The following PPP1R9A variants were observed in gnomAD, a reference collection of about 807,000 sequenced individuals.
The protein encoded by PPP1R9A is protein phosphatase 1 regulatory subunit 9A.
Under a neutral mutation model 141.9 loss-of-function variants are expected in PPP1R9A, and 59 were observed. That is an observed-to-expected ratio of 0.42 (90% CI 0.34 to 0.52). The LOEUF is 0.52. Ranked by LOEUF, PPP1R9A falls within the 20% of genes least tolerant of loss-of-function variation. The probability of loss-of-function intolerance (pLI) is 0.10; values close to 1 mark genes in which losing one functional copy is unlikely to be tolerated. For missense variants in PPP1R9A, 1,444 were observed against 1,611.9 expected (o/e 0.90, Z 1.78); for synonymous variants, 500 against 569.7 (o/e 0.88, Z 1.74).
intron 2 of PPP1R9A, among the ~76,000 whole-genome samples, chr7:95,106,470 T>C (rs6465455): frequency 0.48 from 72,966 of 151,924 alleles, 18,256 homozygotes; most frequent in African/African-American, 0.57. Flanking sequence ...GTATGTATCT[T>C]GGGGTCTTCC....
chr7:95,067,484 A>G (rs1436646648), intron 2 of PPP1R9A, among the ~76,000 whole-genome samples: 5 of 152,210 alleles, frequency 3.3e-5, no homozygotes, highest in Non-Finnish European at 7.4e-5. Context: ...GTGAATGTAC[A>G]CCAAAAAGTT....
intron 2 of PPP1R9A, among the ~76,000 whole-genome samples, chr7:95,038,227 C>A: frequency 6.6e-6 from 1 of 152,124 alleles, no homozygotes; most frequent in East Asian, 1.9e-4. Flanking sequence ...ACAGGGCAAA[C>A]CCCCTCCCTG....
chr7:95,170,332 A>T (rs1831919057), intron 5 of PPP1R9A, among the ~76,000 whole-genome samples: 1 of 151,604 alleles, frequency 6.6e-6, no homozygotes, highest in Admixed American at 6.6e-5. Context: ...ATGGCTGAAA[A>T]TTTTTCAAAT....
At chr7:95,015,979 G>A (rs1268870336) in intron 2 of PPP1R9A, among the ~76,000 whole-genome samples, 1 of 152,048 alleles carries the variant, frequency 6.6e-6, no homozygotes, top group Non-Finnish European at 1.5e-5. Flanking sequence ...TTTGAACCTA[G>A]GAGTTCAAGG....
intron 6 of PPP1R9A, among the ~76,000 whole-genome samples, chr7:95,200,906 T>C (rs1225591024): frequency 6.6e-6 from 1 of 152,218 alleles, no homozygotes; most frequent in African/African-American, 2.4e-5. Context: ...ATCCAGTAGC[T>C]GGCAGAGTTG....
At chr7:95,023,762 C>T (rs1459487520) in intron 2 of PPP1R9A, among the ~76,000 whole-genome samples, 1 of 152,116 alleles carries the variant, frequency 6.6e-6, no homozygotes, top group African/African-American at 2.4e-5. Flanking sequence ...CCGTGTTAGC[C>T]AGGAGGGTGT....
chr7:95,072,759 TA>T (rs1308094454), intron 2 of PPP1R9A, among the ~76,000 whole-genome samples: 1 of 107,040 alleles, frequency 9.3e-6, no homozygotes, highest in Non-Finnish European at 1.7e-5. Flanking sequence ...AATATTATAT[TA>T]AATATATATA....
chr7:95,141,879 G>A (rs1490736285), intron 4 of PPP1R9A, among the ~76,000 whole-genome samples: 4 of 151,950 alleles, frequency 2.6e-5, no homozygotes, highest in Non-Finnish European at 5.9e-5. Flanking sequence ...CATTTCTCTT[G>A]GGAATATATC....
intron 2 of PPP1R9A, among the ~76,000 whole-genome samples, chr7:95,071,510 G>A (rs1006295033): frequency 2.6e-5 from 4 of 151,914 alleles, no homozygotes; most frequent in East Asian, 3.9e-4. Context: ...TAGGAGTACT[G>A]TGGATGCGTG....
chr7:95,281,963 G>A (rs1223874140), intron 16 of PPP1R9A, among the ~76,000 whole-genome samples: 4 of 152,140 alleles, frequency 2.6e-5, no homozygotes, highest in Admixed American at 1.3e-4. Context: ...CCAATTATAA[G>A]AGTATGGGAC....
intron 2 of PPP1R9A, among the ~76,000 whole-genome samples, chr7:94,969,149 C>T (rs1429152615): frequency 4.6e-5 from 7 of 152,022 alleles, no homozygotes; most frequent in Admixed American, 2.6e-4. Context: ...TCTGTCAATT[C>T]GTCAAACTCA....
intron 2 of PPP1R9A, among the ~76,000 whole-genome samples, chr7:95,047,829 C>CTAT (rs1270767463): frequency 6.6e-6 from 1 of 152,090 alleles, no homozygotes; most frequent in East Asian, 1.9e-4. Flanking sequence ...GGAAGTACTC[C>CTAT]ATATAGAAAG....
intron 2 of PPP1R9A, among the ~76,000 whole-genome samples, chr7:95,100,018 CAT>C (rs898628574): frequency 5.3e-5 from 8 of 151,866 alleles, no homozygotes; most frequent in Non-Finnish European, 7.4e-5. Flanking sequence ...TTTAACTTTT[CAT>C]ATATGTGTTA....
intron 2 of PPP1R9A, among the ~76,000 whole-genome samples, chr7:94,988,221 T>C (rs1161586001): frequency 2.0e-5 from 3 of 152,088 alleles, no homozygotes; most frequent in African/African-American, 7.2e-5. Context: ...TATGTGTATA[T>C]TACAATTCTG....
intron 5 of PPP1R9A, among the ~76,000 whole-genome samples, chr7:95,181,926 G>C (rs1018693580): frequency 1.3e-5 from 2 of 151,368 alleles, no homozygotes; most frequent in African/African-American, 4.9e-5. Context: ...AAGTAACTCA[G>C]AAACAGAAAA....
intron 2 of PPP1R9A, among the ~76,000 whole-genome samples, chr7:94,970,643 T>C (rs916985079): frequency 6.6e-6 from 1 of 150,638 alleles, no homozygotes; most frequent in Non-Finnish European, 1.5e-5. Context: ...TTTTTTTTTT[T>C]TTTTTTTTTT....
At chr7:95,204,643 GCA>G (rs1240635366) in intron 7 of PPP1R9A, among the ~76,000 whole-genome samples, 2 of 85,858 alleles carry the variant, frequency 2.3e-5, no homozygotes, top group East Asian at 6.5e-4. Flanking sequence ...ACATACCCAT[GCA>G]CACACACCAC....
At chr7:95,105,988 C>T (rs1426553001) in intron 2 of PPP1R9A, among the ~76,000 whole-genome samples, 3 of 152,090 alleles carry the variant, frequency 2.0e-5, no homozygotes, top group Admixed American at 2.0e-4. Context: ...TGAGGCTGGG[C>T]TCATGCCTAT....
chr7:95,267,686 T>C (rs578209023), intron 12 of PPP1R9A, among the ~76,000 whole-genome samples: 7 of 152,142 alleles, frequency 4.6e-5, no homozygotes, highest in Non-Finnish European at 1.0e-4. Flanking sequence ...TTACTCTCTT[T>C]TTCTTTTAGC....
Sources: gnomAD v4.1 joint callset for allele counts (sites outside exome capture counted in the v4.1 genomes callset) on GRCh38, gnomAD v4.1.1 for gene constraint, MANE v1.5 for transcripts, NCBI Gene and HGNC (gene_info 2026-07-23, HGNC 2026-07-21) for gene names.